Variants in RIMS2 observed in about 807,000 individuals in gnomAD.
The protein encoded by RIMS2 is regulating synaptic membrane exocytosis protein 2.
Under a neutral mutation model 174.4 loss-of-function variants are expected in RIMS2, and 59 were observed. The ratio of observed to expected loss-of-function variants is 0.34; its 90% CI spans 0.27 to 0.42. RIMS2 has a LOEUF of 0.42. Among genes scored for constraint, RIMS2 ranks in the 10% least tolerant of loss-of-function variants. The pLI is 1.00. For missense variants in RIMS2, 1,620 were observed against 1,666.3 expected (o/e 0.97, Z 0.48); for synonymous variants, 606 against 572.5 (o/e 1.06, Z -0.84).
At chr8:103,695,246 A>C (rs2097085962) in intron 1 of RIMS2, among the ~76,000 whole-genome samples, 1 of 152,118 alleles carries the variant, frequency 6.6e-6, no homozygotes, top group South Asian at 2.1e-4. Flanking sequence ...GGTCTCATGA[A>C]GGTGTTTTCA....
chr8:103,643,518 T>G (rs966007104), intron 1 of RIMS2, among the ~76,000 whole-genome samples: 1 of 152,136 alleles, frequency 6.6e-6, no homozygotes, highest in Non-Finnish European at 1.5e-5. Context: ...AGTTAGGTCT[T>G]AAGTATGACA....
At chr8:103,869,618 C>T (rs1213850176) in intron 3 of RIMS2, among the ~76,000 whole-genome samples, 2 of 151,968 alleles carry the variant, frequency 1.3e-5, no homozygotes, top group East Asian at 3.9e-4. Flanking sequence ...CCACCATGCC[C>T]GATGAGGAAC....
At chr8:104,083,482 A>T (rs1012137174) in intron 19 of RIMS2, among the ~76,000 whole-genome samples, 3 of 152,180 alleles carry the variant, frequency 2.0e-5, no homozygotes, top group Admixed American at 2.0e-4. Context: ...TTAGATAAAT[A>T]TTCTTTAAAC....
chr8:103,603,250 T>C (rs2094854611), intron 1 of RIMS2, among the ~76,000 whole-genome samples: 1 of 151,108 alleles, frequency 6.6e-6, no homozygotes, highest in African/African-American at 2.4e-5. Flanking sequence ...ATGCGGTGTT[T>C]GGTTTTTTGT....
At chr8:103,555,686 C>A (rs1200468930) in intron 1 of RIMS2, among the ~76,000 whole-genome samples, 1 of 151,604 alleles carries the variant, frequency 6.6e-6, no homozygotes, top group East Asian at 1.9e-4. Flanking sequence ...AATCCCAACA[C>A]TTTGGGAGGC....
chr8:104,117,404 A>G (rs2132103291), intron 19 of RIMS2, among the ~76,000 whole-genome samples: 1 of 150,704 alleles, frequency 6.6e-6, no homozygotes, highest in African/African-American at 2.4e-5. Context: ...TTTTTTTTTA[A>G]TAGAAGCAAG....
chr8:103,768,944 A>G, intron 3 of RIMS2: 1 of 414,210 alleles, frequency 2.4e-6, no homozygotes, highest in South Asian at 2.3e-5. Context: ...GAGGCTAAAC[A>G]GAAGCGTCAG....
chr8:103,783,912 C>T (rs908604048), intron 3 of RIMS2, among the ~76,000 whole-genome samples: 42 of 152,090 alleles, frequency 2.8e-4, no homozygotes, highest in African/African-American at 1.0e-3. Flanking sequence ...TATTTCTCCA[C>T]ATCCTCTCCA....
intron 17 of RIMS2, among the ~76,000 whole-genome samples, chr8:103,995,307 T>C (rs904437277): frequency 1.3e-5 from 2 of 152,136 alleles, no homozygotes; most frequent in African/African-American, 2.4e-5. Context: ...CAAATTATCC[T>C]ATATCAACTA....
At chr8:103,978,481 C>T (rs763115528) in intron 16 of RIMS2, among the ~76,000 whole-genome samples, 3 of 149,692 alleles carry the variant, frequency 2.0e-5, no homozygotes, top group Non-Finnish European at 3.0e-5. Context: ...TTGAATTAGA[C>T]AGTCTGTACT....
intron 1 of RIMS2, among the ~76,000 whole-genome samples, chr8:103,537,135 T>G (rs1277437054): frequency 6.6e-6 from 1 of 152,214 alleles, no homozygotes; most frequent in East Asian, 1.9e-4. Flanking sequence ...TTAGCTCAAC[T>G]TATTTTGCGT....
chr8:103,767,907 T>G (rs2098195996), intron 3 of RIMS2, among the ~76,000 whole-genome samples: 4 of 152,176 alleles, frequency 2.6e-5, no homozygotes, highest in Admixed American at 1.3e-4. Flanking sequence ...ACAAGGAAGT[T>G]GGAGTATTTA....
In RIMS2 at chr8:104,067,453, T is replaced by C. The variant is rs1598139883; in HGVS notation, c.3334+52838T>C. On this transcript the variant is annotated intron_variant, in intron 19 of 23. Coordinates refer to ENST00000504942, the Ensembl canonical transcript of RIMS2. ...CTGTATTGGCCAACCTGTAGTGCAG[T>C]GGTATGATCATAGCTCACTGCAGCC... Among the ~76,000 whole-genome samples, 3 of 152,136 alleles carry C rather than the reference T, an allele frequency of 2.0e-5. No homozygotes were observed. In the East Asian group the frequency reaches 5.8e-4, roughly 29 times the overall value.
chr8:103,908,026 G>A (rs113198662), intron 4 of RIMS2, among the ~76,000 whole-genome samples: 7,379 of 151,476 alleles, frequency 0.049, 591 homozygotes, highest in African/African-American at 0.17. Flanking sequence ...GGGATTACAG[G>A]CGTAAGCCAC....
intron 1 of RIMS2, among the ~76,000 whole-genome samples, chr8:103,555,975 G>T (rs956497588): frequency 1.3e-5 from 2 of 152,058 alleles, no homozygotes; most frequent in South Asian, 2.1e-4. Context: ...CTTATATGTG[G>T]AATCTAAAGA....
chr8:103,727,951 A>AT (rs34958697), intron 2 of RIMS2, among the ~76,000 whole-genome samples: 53,692 of 151,084 alleles, frequency 0.36, 10,191 homozygotes, highest in East Asian at 0.77. Flanking sequence ...AAATTTTAGT[A>AT]TTTTTTTTTA....
At chr8:104,252,180 C>G (rs1045353091), downstream of RIMS2, 1 of 251,680 alleles carries the variant, frequency 4.0e-6, no homozygotes, top group African/African-American at 2.2e-5. Context: ...ATTTATCTAA[C>G]CCCAAAGCCC....
chr8:103,632,299 T>A (rs7011865), intron 1 of RIMS2, among the ~76,000 whole-genome samples: 13 of 152,140 alleles, frequency 8.5e-5, no homozygotes, highest in African/African-American at 2.9e-4. Context: ...GGTGTGCTCC[T>A]TCATTTCCTA....
intron 19 of RIMS2, among the ~76,000 whole-genome samples, chr8:104,230,992 G>A (rs1235163613): frequency 2.0e-5 from 3 of 152,020 alleles, no homozygotes; most frequent in Non-Finnish European, 4.4e-5. Context: ...CATTATTTGG[G>A]CCAAACAAAA....
Sources: allele counts gnomAD v4.1 joint callset (sites outside exome capture counted in the v4.1 genomes callset), GRCh38; gene constraint gnomAD v4.1.1; transcripts MANE v1.5; gene names NCBI Gene and HGNC (gene_info 2026-07-23, HGNC 2026-07-21).